The following PREX2 variants were observed in gnomAD, a reference collection of about 807,000 sequenced individuals.
PREX2 encodes the protein phosphatidylinositol-3,4,5-trisphosphate dependent Rac exchange factor 2.
In PREX2, 107 loss-of-function variants were observed where a neutral mutation model predicts 203.2. That is an observed-to-expected ratio of 0.53 (90% CI 0.45 to 0.62). The LOEUF (loss-of-function observed/expected upper bound fraction) is 0.62. PREX2 is among the 20% of genes least tolerant of loss of function. PREX2 has a pLI of 0.00. For synonymous variants in PREX2, 672 were observed against 663.6 expected, an observed-to-expected ratio of 1.01 and a Z score of -0.19; for missense variants, 1,777 against 1,955.9, an observed-to-expected ratio of 0.91 and a Z score of 1.72.
At chr8:68,085,341 T>C (rs1416636303) in intron 18 of PREX2, among the ~76,000 whole-genome samples, 3 of 152,218 alleles carry the variant, frequency 2.0e-5, no homozygotes, top group Non-Finnish European at 4.4e-5. Flanking sequence ...TTTTTGAAGA[T>C]GGCATACTCA....
intron 39 of PREX2, among the ~76,000 whole-genome samples, chr8:68,230,536 C>T (rs1196398723): frequency 6.6e-6 from 1 of 152,130 alleles, no homozygotes; most frequent in Non-Finnish European, 1.5e-5. Flanking sequence ...TATCAAGCAG[C>T]TATTATGTTC....
intron 6 of PREX2, among the ~76,000 whole-genome samples, chr8:68,032,156 T>C (rs566909052): frequency 1.3e-5 from 2 of 152,280 alleles, no homozygotes; most frequent in African/African-American, 4.8e-5. Context: ...TCACCAGCTT[T>C]CGTGGTTTTA....
chr8:68,043,953 G>T (rs1456534101), intron 7 of PREX2, among the ~76,000 whole-genome samples: 2 of 152,030 alleles, frequency 1.3e-5, no homozygotes, highest in Non-Finnish European at 2.9e-5. Flanking sequence ...AAGGTATTAA[G>T]AGACTTGTTC....
At chr8:68,019,757 A>G in intron 3 of PREX2, 86 bp downstream of exon 3, 1 of 1,278,250 alleles carries the variant, frequency 7.8e-7, no homozygotes, top group South Asian at 1.5e-5. Context: ...GTGTGAATTC[A>G]GTATTAGAAG....
At position 68,097,097 on chromosome 8, in the gene PREX2, C is replaced by T; in HGVS notation, c.2449C>T (p.Leu817=). The T allele has an allele frequency of 1.3e-5, 21 of 1,613,856 alleles. No individual in the cohort carries two copies. The highest frequency in any genetic ancestry group is 1.8e-5 in the Non-Finnish European group (21 of 1,179,848). ...HVSLTVDNVH[L]EYGVVYEYDS... ...GAGTCTGACAGTGGACAATGTCCACCTGGAATATGGTGTCGTGTATGAGTA... is the reference window on the plus strand; with the variant it reads ...GAGTCTGACAGTGGACAATGTCCACTTGGAATATGGTGTCGTGTATGAGTA... Residue 817 remains leucine, a synonymous_variant, in exon 22 of 40, where the codon CTG becomes TTG. Transcript: ENST00000288368.
chr8:68,012,959 A>G (rs1294597937), intron 1 of PREX2, among the ~76,000 whole-genome samples: 1 of 152,232 alleles, frequency 6.6e-6, no homozygotes, highest in Non-Finnish European at 1.5e-5. Context: ...AGTATGTGCT[A>G]TCCTATATTC....
intron 39 of PREX2, 143 bp downstream of exon 39, chr8:68,224,769 A>G (rs1563595245): frequency 3.3e-6 from 2 of 613,850 alleles, no homozygotes; most frequent in East Asian, 2.8e-5. Flanking sequence ...GAAACACCCA[A>G]TGGCTAAGTG....
chr8:68,090,287 A>T (rs1476009237), intron 19 of PREX2, among the ~76,000 whole-genome samples: 1 of 152,222 alleles, frequency 6.6e-6, no homozygotes, highest in African/African-American at 2.4e-5. Flanking sequence ...AGAAAGACTG[A>T]CTAGACATTT....
chr8:68,093,522 A>C (rs961625727), intron 20 of PREX2, 83 bp from the exon 21 acceptor site: 6 of 579,848 alleles, frequency 1.0e-5, no homozygotes, highest in Admixed American at 2.7e-5. Flanking sequence ...ATCTAGAGGA[A>C]TAAATAAGGC....
intron 37 of PREX2, among the ~76,000 whole-genome samples, chr8:68,199,183 C>G (rs1812456773): frequency 1.3e-5 from 2 of 152,106 alleles, no homozygotes; most frequent in African/African-American, 4.8e-5. Flanking sequence ...CATAAATATC[C>G]TGTGTGCAGA....
At chr8:68,017,808 C>G in intron 1 of PREX2, 38 bp from the exon 2 acceptor site, 1 of 1,546,930 alleles carries the variant, frequency 6.5e-7, no homozygotes, top group Admixed American at 1.7e-5. Flanking sequence ...TTTTATTAAC[C>G]TAATGTTACC....
At chr8:68,079,544 A>T (rs915389915) in intron 15 of PREX2, among the ~76,000 whole-genome samples, 1 of 151,360 alleles carries the variant, frequency 6.6e-6, no homozygotes, top group Non-Finnish European at 1.5e-5. Context: ...GGCCTGTCTC[A>T]TCACAAAACC....
chr8:68,156,530 A>G (rs1811546788), intron 34 of PREX2, among the ~76,000 whole-genome samples: 1 of 152,228 alleles, frequency 6.6e-6, no homozygotes, highest in Admixed American at 6.5e-5. Context: ...TTTTCTCTCT[A>G]CCTTTCATAG....
intron 13 of PREX2, among the ~76,000 whole-genome samples, chr8:68,071,942 T>C (rs901945486): frequency 2.0e-5 from 3 of 152,132 alleles, no homozygotes; most frequent in Non-Finnish European, 4.4e-5. Flanking sequence ...GTATAATCTA[T>C]TGTGATTTAA....
At chr8:67,974,437 A>G (rs890867116) in intron 1 of PREX2, among the ~76,000 whole-genome samples, 25 of 152,216 alleles carry the variant, frequency 1.6e-4, no homozygotes, top group Non-Finnish European at 2.6e-4. Flanking sequence ...TGTTCTGAAA[A>G]TATATTTTAA....
intron 30 of PREX2, among the ~76,000 whole-genome samples, chr8:68,121,351 T>C (rs1020223349): frequency 2.0e-5 from 3 of 151,728 alleles, no homozygotes; most frequent in Non-Finnish European, 4.4e-5. Flanking sequence ...GACAATATCA[T>C]AAACAAATTC....
At chr8:68,012,667 T>C (rs551230229) in intron 1 of PREX2, among the ~76,000 whole-genome samples, 1 of 152,228 alleles carries the variant, frequency 6.6e-6, no homozygotes, top group South Asian at 2.1e-4. Flanking sequence ...TGTCAGTTTC[T>C]GGAGTTTTGT....
intron 25 of PREX2, among the ~76,000 whole-genome samples, chr8:68,111,454 A>G (rs1371876128): frequency 6.6e-6 from 1 of 152,058 alleles, no homozygotes; most frequent in East Asian, 1.9e-4. Context: ...ATGTAAACCC[A>G]AGGAGCTCCT....
At position 68,108,219 on chromosome 8, in the gene PREX2, G is replaced by C. The variant is rs1810457445; in HGVS notation, c.2826G>C (p.Val942=). The change falls in exon 24 of 40, where the codon GTG becomes GTC. Residue 942 remains valine (V), a synonymous_variant. Coordinates refer to ENST00000288368, the MANE Select transcript of PREX2 (RefSeq NM_024870.4). ...DFCPTNCHVN[V]MEVSYPKTST... ...GCCCTACCAACTGCCATGTCAATGT[G>C]ATGGAAGTTTCTTATCCCAAAACAT... 1 of 1,613,794 alleles carries C rather than the reference G, an allele frequency of 6.2e-7. No individual in the cohort carries two copies.
Sources: allele counts gnomAD v4.1 joint callset (sites outside exome capture counted in the v4.1 genomes callset), GRCh38; gene constraint gnomAD v4.1.1; transcripts MANE v1.5; gene names NCBI Gene and HGNC (gene_info 2026-07-23, HGNC 2026-07-21).